The following CTNNA3 variants were observed in gnomAD, a reference collection of about 807,000 sequenced individuals.
CTNNA3 encodes catenin alpha-3.
CTNNA3 carries 76 observed loss-of-function variants against 95.7 expected under a neutral mutation model. The observed-to-expected ratio is 0.79, with a 90% CI of 0.66 to 0.96. The LOEUF is 0.96. Ranked by LOEUF, CTNNA3 falls within the 40% of genes least tolerant of loss-of-function variation. The pLI, the probability that CTNNA3 is intolerant of heterozygous loss-of-function variation, is 0.00. For missense variants in CTNNA3, 1,191 were observed against 1,089.8 expected (o/e 1.09, Z -1.31); for synonymous variants, 431 against 374.4 (o/e 1.15, Z -1.74).
At chr10:67,579,683 G>A (rs1842309849) in intron 3 of CTNNA3, among the ~76,000 whole-genome samples, 1 of 152,142 alleles carries the variant, frequency 6.6e-6, no homozygotes, top group African/African-American at 2.4e-5. Context: ...GTGTAAAAGT[G>A]TTCCTATTTC....
rs183485639 is a variant in CTNNA3 at position 67,591,454 on chromosome 10, G to T, written c.292+15403C>A. On this transcript the variant is annotated intron_variant, in intron 3 of 17. Transcript: ENST00000433211. ...TATTAAGTATAAATGAGATGATCAA[G>T]AAAAATTATATCATGATGAAAATTT... Among the ~76,000 whole-genome samples, 3 of 151,946 alleles carry T rather than the reference G, an allele frequency of 2.0e-5. No homozygotes were observed. The East Asian group carries it at 5.8e-4, about 29-fold the overall frequency.
chr10:66,081,720 G>T (rs578096177), intron 14 of CTNNA3, among the ~76,000 whole-genome samples: 2 of 152,132 alleles, frequency 1.3e-5, no homozygotes, highest in African/African-American at 4.8e-5. Context: ...AAAATCATGG[G>T]TTAGGCAAAC....
chr10:66,957,212 C>G (rs1848837095), intron 7 of CTNNA3, among the ~76,000 whole-genome samples: 1 of 151,922 alleles, frequency 6.6e-6, no homozygotes, highest in African/African-American at 2.4e-5. Flanking sequence ...CTCCCACAGT[C>G]TGGCTTCACC....
At chr10:66,163,976 C>T (rs922373868) in intron 13 of CTNNA3, among the ~76,000 whole-genome samples, 11 of 152,062 alleles carry the variant, frequency 7.2e-5, no homozygotes, top group Non-Finnish European at 1.2e-4. Context: ...ATTTGAGTAA[C>T]ATTGTAATGA....
chr10:66,689,439 T>TGTCATAATC (rs1157634173), intron 9 of CTNNA3, among the ~76,000 whole-genome samples: 1 of 152,220 alleles, frequency 6.6e-6, no homozygotes, highest in African/African-American at 2.4e-5. Flanking sequence ...TATTTTACCA[T>TGTCATAATC]GTCATAATCA....
At chr10:67,159,343 C>G (rs1299523568) in intron 7 of CTNNA3, among the ~76,000 whole-genome samples, 1 of 152,162 alleles carries the variant, frequency 6.6e-6, no homozygotes, top group Non-Finnish European at 1.5e-5. Context: ...AAAGCCCTTC[C>G]TTCTATAACT....
intron 7 of CTNNA3, among the ~76,000 whole-genome samples, chr10:67,100,126 T>C (rs1359295186): frequency 2.6e-5 from 4 of 151,766 alleles, no homozygotes; most frequent in Admixed American, 1.3e-4. Context: ...AAATTGATAA[T>C]GATTTTTAGA....
At chr10:66,525,009 A>G (rs1471264531) in intron 10 of CTNNA3, among the ~76,000 whole-genome samples, 1 of 152,050 alleles carries the variant, frequency 6.6e-6, no homozygotes, top group Non-Finnish European at 1.5e-5. Flanking sequence ...AGATCGCACC[A>G]TTGTACTCCA....
chr10:66,291,123 G>A (rs1349076147), intron 12 of CTNNA3, among the ~76,000 whole-genome samples: 1 of 152,110 alleles, frequency 6.6e-6, no homozygotes, highest in African/African-American at 2.4e-5. Context: ...TGTGAAAGCA[G>A]TAATGTGTGG....
chr10:66,106,428 T>G (rs2081916611), intron 13 of CTNNA3, among the ~76,000 whole-genome samples: 1 of 151,776 alleles, frequency 6.6e-6, no homozygotes, highest in Admixed American at 6.6e-5. Flanking sequence ...GAGGCAGTGT[T>G]ATATATTAGA....
chr10:66,602,647 G>A (rs936822487), intron 10 of CTNNA3, among the ~76,000 whole-genome samples: 2 of 151,782 alleles, frequency 1.3e-5, no homozygotes, highest in African/African-American at 4.8e-5. Context: ...AACAAAAAAA[G>A]GAAACCGCAG....
At chr10:66,947,512 G>GT (rs1848335448) in intron 7 of CTNNA3, among the ~76,000 whole-genome samples, 1 of 151,896 alleles carries the variant, frequency 6.6e-6, no homozygotes, top group South Asian at 2.1e-4. Flanking sequence ...TGCCCTCTTT[G>GT]TTTCCCCCAC....
At chr10:66,634,992 T>A (rs1207931659) in intron 9 of CTNNA3, among the ~76,000 whole-genome samples, 1 of 152,124 alleles carries the variant, frequency 6.6e-6, no homozygotes, top group Non-Finnish European at 1.5e-5. Flanking sequence ...AAGAGTCCCA[T>A]TTTGCCAAAT....
At chr10:67,697,309 GA>G (rs1840984906), upstream of CTNNA3, among the ~76,000 whole-genome samples, 1 of 152,130 alleles carries the variant, frequency 6.6e-6, no homozygotes, top group African/African-American at 2.4e-5. Flanking sequence ...TTTTCACAGT[GA>G]AACAAAGAGT....
intron 1 of CTNNA3, among the ~76,000 whole-genome samples, chr10:67,690,205 G>A (rs960835240): frequency 1.3e-5 from 2 of 152,206 alleles, no homozygotes; most frequent in East Asian, 1.9e-4. Flanking sequence ...AAGGCAGCAC[G>A]TCTGGAGTTG....
chr10:66,466,848 G>A (rs1020452197), intron 11 of CTNNA3, among the ~76,000 whole-genome samples: 1 of 152,106 alleles, frequency 6.6e-6, no homozygotes, highest in Non-Finnish European at 1.5e-5. Context: ...TGCTTGAAAA[G>A]AATAGATGTA....
intron 13 of CTNNA3, among the ~76,000 whole-genome samples, chr10:66,183,750 T>C (rs967557281): frequency 6.6e-6 from 1 of 152,182 alleles, no homozygotes; most frequent in African/African-American, 2.4e-5. Flanking sequence ...TTCTTTTTGG[T>C]TAGTAGTAAA....
At chr10:65,950,359 C>T (rs550645102) in intron 17 of CTNNA3, among the ~76,000 whole-genome samples, 3 of 152,184 alleles carry the variant, frequency 2.0e-5, no homozygotes, top group African/African-American at 4.8e-5. Context: ...TAGATTTTGA[C>T]GCCAGCACTT....
At position 66,608,158 on chromosome 10, in the gene CTNNA3, C is replaced by G. The variant is rs186334460; in HGVS notation, c.1374+13534G>C. On this transcript the variant is annotated intron_variant, in intron 10 of 17. Coordinates refer to ENST00000433211, the MANE Select transcript of CTNNA3 (RefSeq NM_013266.4). ...ACCATTCCCATACATCAACAACAGT[C>G]AAGTCAAGAGCCAAATCAGAAATGC... Among the ~76,000 whole-genome samples, 4 of 152,210 alleles carry G rather than the reference C, an allele frequency of 2.6e-5. No individual in the cohort carries two copies. In the East Asian group the frequency reaches 7.8e-4, roughly 29 times the overall value.
Sources: allele counts gnomAD v4.1 joint callset (sites outside exome capture counted in the v4.1 genomes callset), GRCh38; gene constraint gnomAD v4.1.1; transcripts MANE v1.5; gene names NCBI Gene and HGNC (gene_info 2026-07-23, HGNC 2026-07-21).